The following PACSIN2 variants were observed in gnomAD, a reference collection of about 807,000 sequenced individuals.
PACSIN2 encodes the protein protein kinase C and casein kinase substrate in neurons protein 2.
PACSIN2 carries 25 observed loss-of-function variants against 63.8 expected under a neutral mutation model. That is an observed-to-expected ratio of 0.39 (90% CI 0.29 to 0.55). The LOEUF (loss-of-function observed/expected upper bound fraction) is 0.55, where lower values mean the gene tolerates loss of function less well. PACSIN2 is among the 20% of genes least tolerant of loss of function. The pLI is 0.62. For synonymous variants in PACSIN2, 255 were observed against 256.2 expected (o/e 1.00, Z 0.05); for missense variants, 518 against 646.9 (o/e 0.80, Z 2.16).
At chr22:43,006,192 C>G (rs189352802) in intron 1 of PACSIN2, among the ~76,000 whole-genome samples, 48 of 152,324 alleles carry the variant, frequency 3.2e-4, no homozygotes, top group Non-Finnish European at 3.8e-4. Context: ...AAAGGACCCT[C>G]CTCAGAACCC....
At chr22:43,000,082 G>C (rs970737970) in intron 1 of PACSIN2, among the ~76,000 whole-genome samples, 6 of 152,240 alleles carry the variant, frequency 3.9e-5, no homozygotes, top group Non-Finnish European at 8.8e-5. Context: ...CAGGCAATCT[G>C]GTTGCAGAGC....
chr22:42,919,762 G>GA (rs1259400835), intron 1 of PACSIN2, among the ~76,000 whole-genome samples: 1 of 66,668 alleles, frequency 1.5e-5, no homozygotes, highest in Non-Finnish European at 2.7e-5. Context: ...GACAGAGCAA[G>GA]AACCTGTCTC....
At chr22:42,902,716 C>T (rs112569068) in intron 2 of PACSIN2, among the ~76,000 whole-genome samples, 3 of 152,102 alleles carry the variant, frequency 2.0e-5, no homozygotes, top group East Asian at 3.9e-4. Context: ...TGGGTTCAAG[C>T]GATTCTCCTG....
At chr22:42,940,403 AAC>A (rs1933100136) in intron 1 of PACSIN2, among the ~76,000 whole-genome samples, 1 of 152,204 alleles carries the variant, frequency 6.6e-6, no homozygotes, top group Admixed American at 6.5e-5. Flanking sequence ...CTGAATGAGT[AAC>A]ACTGTTCCTG....
At chr22:42,925,306 C>A (rs1199249544) in intron 1 of PACSIN2, among the ~76,000 whole-genome samples, 1 of 151,822 alleles carries the variant, frequency 6.6e-6, no homozygotes, top group Non-Finnish European at 1.5e-5. Context: ...ATGGTGAAAC[C>A]CCATTTCTAC....
intron 1 of PACSIN2, among the ~76,000 whole-genome samples, chr22:42,948,684 T>C (rs1474357823): frequency 6.6e-6 from 1 of 152,052 alleles, no homozygotes; most frequent in East Asian, 1.9e-4. Flanking sequence ...ATGAGAGGAT[T>C]TGGTTTTCAA....
rs1345402030 is a variant in PACSIN2 at position 42,877,580 on chromosome 22, G to C, written c.1029-570C>G. On this transcript the variant is annotated intron_variant, in intron 8 of 10. Coordinates refer to ENST00000263246, the MANE Select transcript of PACSIN2 (RefSeq NM_001184970.3). Reference sequence around the variant, plus strand: ...CCTGCGGCACCGTCTTTTCTAGATAGAAAGAAGATTCCTTTGGTGCTCCAG... The same window carrying C: ...CCTGCGGCACCGTCTTTTCTAGATACAAAGAAGATTCCTTTGGTGCTCCAG... Among the ~76,000 whole-genome samples, 3 of 152,206 alleles carry C rather than the reference G, an allele frequency of 2.0e-5. No individual in the cohort carries two copies. The East Asian group carries it at 5.8e-4, about 29-fold the overall frequency.
chr22:42,897,197 A>G (rs1013218028), intron 2 of PACSIN2, among the ~76,000 whole-genome samples: 1 of 152,202 alleles, frequency 6.6e-6, no homozygotes, highest in Non-Finnish European at 1.5e-5. Context: ...TTGGCCTCCC[A>G]AAGTGTTGGG....
chr22:42,957,743 T>G (rs952913581), intron 1 of PACSIN2, among the ~76,000 whole-genome samples: 1 of 152,184 alleles, frequency 6.6e-6, no homozygotes, highest in Admixed American at 6.5e-5. Flanking sequence ...TGCTAAAGGT[T>G]TGGGGTTTCC....
At chr22:42,913,499 A>AG (rs1931603591) in intron 1 of PACSIN2, among the ~76,000 whole-genome samples, 1 of 150,026 alleles carries the variant, frequency 6.7e-6, no homozygotes, top group African/African-American at 2.4e-5. Flanking sequence ...AAAAAAAAAA[A>AG]AAAAAGAGAG....
At chr22:42,951,522 G>T (rs1933691237) in intron 1 of PACSIN2, among the ~76,000 whole-genome samples, 1 of 152,134 alleles carries the variant, frequency 6.6e-6, no homozygotes, top group Non-Finnish European at 1.5e-5. Context: ...AGGCTCACGG[G>T]CCTCTCCGAC....
chr22:42,882,400 C>G (rs1929149865), intron 6 of PACSIN2, 96 bp from the exon 7 acceptor site: 1 of 1,402,086 alleles, frequency 7.1e-7, no homozygotes, highest in African/African-American at 1.4e-5. Flanking sequence ...GTGGTCTCTG[C>G]CCTCTGTGAG....
chr22:42,903,748 C>G (rs377305975), intron 2 of PACSIN2, among the ~76,000 whole-genome samples: 1 of 152,220 alleles, frequency 6.6e-6, no homozygotes, highest in African/African-American at 2.4e-5. Flanking sequence ...GATTCAGAAT[C>G]GCCTTGAGTC....
chr22:43,010,508 A>C (rs538848449), intron 1 of PACSIN2, among the ~76,000 whole-genome samples: 15 of 152,022 alleles, frequency 9.9e-5, no homozygotes, highest in African/African-American at 3.6e-4. Flanking sequence ...CAGGAGATCA[A>C]GACCATCCTG....
At chr22:42,936,148 G>A (rs1490498836) in intron 1 of PACSIN2, among the ~76,000 whole-genome samples, 3 of 151,758 alleles carry the variant, frequency 2.0e-5, no homozygotes, top group South Asian at 2.1e-4. Flanking sequence ...CCCGGGAGGC[G>A]GAGCTTGCAG....
chr22:42,986,306 C>G (rs1029541723), intron 1 of PACSIN2, among the ~76,000 whole-genome samples: 2 of 152,194 alleles, frequency 1.3e-5, no homozygotes. Context: ...GTGTGGTCAG[C>G]GAGTCTGGTA....
At chr22:42,874,668 G>A (rs1328901619) in intron 10 of PACSIN2, among the ~76,000 whole-genome samples, 1 of 152,150 alleles carries the variant, frequency 6.6e-6, no homozygotes, top group Non-Finnish European at 1.5e-5. Context: ...TGGCCCTGCG[G>A]GGCTAGCAGC....
intron 1 of PACSIN2, chr22:42,959,428 T>C (rs1170537293): frequency 1.3e-5 from 2 of 152,196 alleles, no homozygotes; most frequent in South Asian, 2.1e-4. Context: ...CTCTAAAACA[T>C]GCCAAAGCAA....
chr22:42,947,479 A>G (rs2267479), intron 1 of PACSIN2, among the ~76,000 whole-genome samples: 59,315 of 151,896 alleles, frequency 0.39, 16,150 homozygotes, highest in African/African-American at 0.74. Context: ...GCTTGGAGGC[A>G]GCCGTTTCAG....
Sources: gnomAD v4.1 joint callset for allele counts (sites outside exome capture counted in the v4.1 genomes callset) on GRCh38, gnomAD v4.1.1 for gene constraint, MANE v1.5 for transcripts, NCBI Gene and HGNC (gene_info 2026-07-23, HGNC 2026-07-21) for gene names.